FLYWCH2: variants seen among roughly 807,000 people sequenced by gnomAD.
FLYWCH2 encodes FLYWCH family member 2.
In FLYWCH2, 2 loss-of-function variants were observed where a neutral mutation model predicts 6.0. The observed-to-expected ratio is 0.33, with a 90% CI of 0.14 to 1.04. The LOEUF (loss-of-function observed/expected upper bound fraction) is 1.04. FLYWCH2 is among the 50% of genes least tolerant of loss of function. The pLI, the probability that FLYWCH2 is intolerant of heterozygous loss-of-function variation, is 0.45. For synonymous variants in FLYWCH2, 87 were observed against 79.3 expected (o/e 1.10, Z -0.52); for missense variants, 192 against 183.4 (o/e 1.05, Z -0.27).
intron 1 of FLYWCH2, among the ~76,000 whole-genome samples, chr16:2,893,631 CTTCT>C (rs1401591955): frequency 2.6e-4 from 32 of 125,258 alleles, no homozygotes; most frequent in Non-Finnish European, 3.8e-4. Context: ...CTTTTCTTTT[CTTCT>C]TTTTTTTTTT....
Position 2,896,532 on chromosome 16 carries a change from T to G in FLYWCH2, c.83T>G (p.Val28Gly), listed in dbSNP as rs1324207094. The part of the protein sequence containing the change: ...QEPSPKPGTE[V>G]IPAAPRKPRK... ...CCATCCCCCAAGCCAGGCACAGAAG[T>G]CATCCCGGCAGCCCCCAGGAAGCCC... The change falls in exon 3 of 4, where the codon GTC becomes GGC. Residue 28 changes from valine (V) to glycine (G), a missense_variant. Physicochemically the swap from Val to Gly is moderately radical, Grantham distance 109. Transcript: ENST00000396958. The G allele has an allele frequency of 6.2e-7, 1 of 1,613,992 alleles. No homozygotes were observed. Among genetic ancestry groups the G allele is most frequent in the South Asian group, 1.1e-5 (1 of 91,072 alleles).
intron 1 of FLYWCH2, among the ~76,000 whole-genome samples, chr16:2,890,670 C>T (rs1047776151): frequency 6.6e-6 from 1 of 151,924 alleles, no homozygotes; most frequent in African/African-American, 2.4e-5. Flanking sequence ...GATCCACCCG[C>T]CTCAGCCTCC....
At chr16:2,892,373 G>A (rs1469712996) in intron 1 of FLYWCH2, among the ~76,000 whole-genome samples, 1 of 151,832 alleles carries the variant, frequency 6.6e-6, no homozygotes, top group African/African-American at 2.4e-5. Flanking sequence ...GTGCACACCA[G>A]TAATCCCAGC....
chr16:2,884,380 T>C (rs570619717), intron 1 of FLYWCH2, among the ~76,000 whole-genome samples: 2 of 152,008 alleles, frequency 1.3e-5, no homozygotes, highest in Admixed American at 6.6e-5. Context: ...CAGTGAGGGA[T>C]TGAACCTTGT....
At chr16:2,884,441 G>A (rs1055840768) in intron 1 of FLYWCH2, among the ~76,000 whole-genome samples, 1 of 151,712 alleles carries the variant, frequency 6.6e-6, no homozygotes, top group Non-Finnish European at 1.5e-5. Context: ...AAGCAACACA[G>A]GCCGGGCGCG....
rs897180208 is a variant in FLYWCH2 at position 2,899,316 on chromosome 16, A to G, written c.*167A>G. ...AAGTATAAGTTACTTTTGTAAGCAGAAAAATACTTTCAAACAAGAATAAAA... is the reference window on the plus strand; with the variant it reads ...AAGTATAAGTTACTTTTGTAAGCAGGAAAATACTTTCAAACAAGAATAAAA... On this transcript the variant is annotated 3_prime_UTR_variant, in exon 4 of 4. Coordinates refer to ENST00000396958, the MANE Select transcript of FLYWCH2 (RefSeq NM_138439.3). The G allele has an allele frequency of 3.8e-6, 2 of 524,562 alleles. No homozygotes were observed. The highest frequency in any genetic ancestry group is 6.6e-6 in the Non-Finnish European group (2 of 302,174). The allele number at this position is 524,562 out of a possible 1,614,324, so 32.5% of individuals were successfully genotyped here. A position where few individuals can be genotyped will look rare whatever the true frequency, so the allele number is the denominator to read the frequency against.
chr16:2,890,416 A>ATG (rs1567303940), intron 1 of FLYWCH2, among the ~76,000 whole-genome samples: 3 of 133,440 alleles, frequency 2.2e-5, no homozygotes, highest in Non-Finnish European at 3.2e-5. Context: ...TGCCTGACTA[A>ATG]TTTTTTTTTT....
chr16:2,888,727 G>T (rs1006397812), intron 1 of FLYWCH2, among the ~76,000 whole-genome samples: 1 of 152,086 alleles, frequency 6.6e-6, no homozygotes, highest in East Asian at 1.9e-4. Flanking sequence ...CCTGGAGGAA[G>T]TCCCAGGACT....
At chr16:2,884,575 A>AAAAAAAAAAAAAC (rs1200672553) in intron 1 of FLYWCH2, among the ~76,000 whole-genome samples, 1 of 143,890 alleles carries the variant, frequency 6.9e-6, no homozygotes, top group Admixed American at 7.0e-5. Flanking sequence ...AAAAAAAAAA[A>AAAAAAAAAAAAAC]AATACAAAAA....
intron 3 of FLYWCH2, among the ~76,000 whole-genome samples, chr16:2,898,358 GCTCTGAGAGC>G (rs552476584): frequency 5.3e-5 from 8 of 152,304 alleles, no homozygotes; most frequent in African/African-American, 1.9e-4. Flanking sequence ...ATCCAGTCCT[GCTCTGAGAGC>G]CTCTGCCTGT....
chr16:2,895,103 CAGAA>C (rs1036903192), intron 1 of FLYWCH2, 113 bp from the exon 2 acceptor site: 2 of 152,192 alleles, frequency 1.3e-5, no homozygotes, highest in Non-Finnish European at 2.9e-5. Flanking sequence ...CCCCAAAAGA[CAGAA>C]AGGCCACCCC....
rs1393828575 is a variant in FLYWCH2 at position 2,895,285 on chromosome 16, C to T, written c.-134C>T. 1 of 152,338 alleles carries T rather than the reference C, an allele frequency of 6.6e-6. No individual in the cohort carries two copies. The highest frequency in any genetic ancestry group is 1.5e-5 in the Non-Finnish European group (1 of 68,136). The allele number at this position is 152,338 out of a possible 1,614,324, so 9.4% of individuals were successfully genotyped here. A position where few individuals can be genotyped will look rare whatever the true frequency, so the allele number is the denominator to read the frequency against. On this transcript the variant is annotated 5_prime_UTR_variant, in exon 2 of 4. Coordinates refer to ENST00000396958, the MANE Select transcript of FLYWCH2 (RefSeq NM_138439.3). ...ACATCTCCACATCGCTGTCCCCACC[C>T]AGCCAGGGCAGCGCCAGCACTAGCT...
In FLYWCH2 at chr16:2,895,309, C is replaced by T. The variant is rs1200846934; in HGVS notation, c.-110C>T. 2 of 152,378 alleles carry T rather than the reference C, an allele frequency of 1.3e-5. No individual in the cohort carries two copies. Among genetic ancestry groups the T allele is most frequent in the Non-Finnish European group, 2.9e-5 (2 of 68,182 alleles). 9.4% of individuals were successfully genotyped at this position (152,378 alleles called of 1,614,324 possible). On this transcript the variant is annotated 5_prime_UTR_variant, in exon 2 of 4. Coordinates refer to ENST00000396958, the MANE Select transcript of FLYWCH2 (RefSeq NM_138439.3). ...CCAGCCAGGGCAGCGCCAGCACTAGCTCAGACGCAAGGTTGGTGTGAGAAC... is the reference window on the plus strand; with the variant it reads ...CCAGCCAGGGCAGCGCCAGCACTAGTTCAGACGCAAGGTTGGTGTGAGAAC...
chr16:2,897,099 G>A (rs1372419904), intron 3 of FLYWCH2, among the ~76,000 whole-genome samples: 2 of 152,224 alleles, frequency 1.3e-5, no homozygotes, highest in African/African-American at 4.8e-5. Flanking sequence ...GCTCGCAGCT[G>A]TTCGATGAGG....
intron 1 of FLYWCH2, among the ~76,000 whole-genome samples, chr16:2,888,129 C>T (rs1025030920): frequency 6.6e-6 from 1 of 152,044 alleles, no homozygotes; most frequent in East Asian, 1.9e-4. Flanking sequence ...CTGCCTCAGC[C>T]TTCCGAGTAG....
At chr16:2,894,484 G>A (rs1483370387) in intron 1 of FLYWCH2, among the ~76,000 whole-genome samples, 1 of 152,208 alleles carries the variant, frequency 6.6e-6, no homozygotes, top group Non-Finnish European at 1.5e-5. Context: ...CTATGTGGTT[G>A]GGGCCTCCCG....
rs1240610093 is a variant in FLYWCH2, at chr16:2,884,573, AAAAAT to A, written c.-200+1209_-200+1213del. 6.1e-5 allele frequency among the ~76,000 whole-genome samples: 9 copies of A among 146,384 alleles called. 1 individual carries two copies. Among genetic ancestry groups the A allele is most frequent in the Non-Finnish European group, 1.1e-4 (7 of 66,464 alleles). On this transcript the variant is annotated intron_variant, in intron 1 of 3. Transcript: ENST00000396958. The stretch of plus-strand genomic sequence containing the variant: ...CCGTCTCTACTAAAAAAAAAAAAAA[AAAAAT>A]ACAAAAATTAGTCGGGGCCGGCGCG...
intron 1 of FLYWCH2, among the ~76,000 whole-genome samples, chr16:2,886,236 A>G (rs1410123281): frequency 6.6e-6 from 1 of 151,570 alleles, no homozygotes; most frequent in Non-Finnish European, 1.5e-5. Context: ...GCTGCAGTGC[A>G]GTGTAGTGCA....
At chr16:2,887,195 G>T (rs922797402) in intron 1 of FLYWCH2, among the ~76,000 whole-genome samples, 4 of 151,912 alleles carry the variant, frequency 2.6e-5, no homozygotes, top group Non-Finnish European at 5.9e-5. Flanking sequence ...ACCCAAGCTG[G>T]AGTGCAGTGG....
Sources: allele counts gnomAD v4.1 joint callset (sites outside exome capture counted in the v4.1 genomes callset), GRCh38; gene constraint gnomAD v4.1.1; transcripts MANE v1.5; gene names NCBI Gene and HGNC (gene_info 2026-07-23, HGNC 2026-07-21).